USP25: variants seen among roughly 807,000 people sequenced by gnomAD.
USP25 encodes ubiquitin specific peptidase 25, also known as ubiquitin carboxyl-terminal hydrolase 25.
USP25 carries 85 observed loss-of-function variants against 158.5 expected under a neutral mutation model. That is an observed-to-expected ratio of 0.54 (90% confidence interval 0.45 to 0.64). The LOEUF (loss-of-function observed/expected upper bound fraction) is 0.64. USP25 is among the 30% of genes least tolerant of loss of function. USP25 has a pLI of 0.00. For missense variants in USP25, 1,242 were observed against 1,327.3 expected, an observed-to-expected ratio of 0.94 and a Z score of 1.00; for synonymous variants, 464 against 460.4, an observed-to-expected ratio of 1.01 and a Z score of -0.10.
intron 1 of USP25, among the ~76,000 whole-genome samples, chr21:15,742,738 C>T (rs1347301826): frequency 6.6e-6 from 1 of 152,222 alleles, no homozygotes; most frequent in Admixed American, 6.5e-5. Context: ...GGTGCCACTT[C>T]ACCAGCAAGA....
At chr21:15,814,321 G>C (rs1045225971) in intron 9 of USP25, among the ~76,000 whole-genome samples, 12 of 151,696 alleles carry the variant, frequency 7.9e-5, no homozygotes, top group African/African-American at 2.7e-4. Flanking sequence ...TTAGCAGCTT[G>C]AGAATGGACT....
intron 4 of USP25, among the ~76,000 whole-genome samples, chr21:15,782,491 A>T (rs1273255788): frequency 1.3e-5 from 2 of 152,174 alleles, no homozygotes; most frequent in African/African-American, 4.8e-5. Flanking sequence ...GCTGCCATTC[A>T]GGAGAGACAG....
intron 1 of USP25, among the ~76,000 whole-genome samples, chr21:15,730,862 A>G (rs2030766014): frequency 6.6e-6 from 1 of 152,014 alleles, no homozygotes; most frequent in African/African-American, 2.4e-5. Context: ...GTCTCCACCA[A>G]AATCGAATTA....
At chr21:15,772,231 A>G (rs1403333266) in intron 3 of USP25, among the ~76,000 whole-genome samples, 1 of 152,212 alleles carries the variant, frequency 6.6e-6, no homozygotes, top group African/African-American at 2.4e-5. Flanking sequence ...AATGTTTGGT[A>G]GTTGGTGTAT....
intron 6 of USP25, among the ~76,000 whole-genome samples, chr21:15,803,642 T>C (rs1276287466): frequency 6.6e-6 from 1 of 151,894 alleles, no homozygotes; most frequent in Non-Finnish European, 1.5e-5. Context: ...TTTCCAAAAA[T>C]TATTACTTCC....
intron 4 of USP25, among the ~76,000 whole-genome samples, chr21:15,778,797 A>G (rs2034800338): frequency 6.6e-6 from 1 of 152,134 alleles, no homozygotes; most frequent in Non-Finnish European, 1.5e-5. Context: ...AACTATTTGA[A>G]GGCAGTGGTA....
chr21:15,781,829 C>T (rs2034982124), intron 4 of USP25, among the ~76,000 whole-genome samples: 1 of 152,150 alleles, frequency 6.6e-6, no homozygotes. Context: ...CCAAGTCCAG[C>T]ATGAACAGTT....
chr21:15,854,620 A>G (rs922748411), intron 20 of USP25, among the ~76,000 whole-genome samples: 15 of 151,942 alleles, frequency 9.9e-5, no homozygotes. Context: ...ACTTTTTAAT[A>G]CTCTGAATGT....
chr21:15,818,520 G>A (rs903395901), intron 9 of USP25, among the ~76,000 whole-genome samples, 178 bp from the exon 10 acceptor site: 1 of 152,012 alleles, frequency 6.6e-6, no homozygotes, highest in African/African-American at 2.4e-5. Flanking sequence ...CTATGGCTGG[G>A]TATAAATGTA....
rs2037075571 is a variant in USP25, at chr21:15,818,700, A to G, written c.934A>G (p.Lys312Glu). ...ATTAATTTTCTCCCTTCTTATAGGT[A>G]AAAAATTTGAAAACACTGAAATGTT... is the stretch of plus-strand genomic sequence containing the variant. ...RFLAVGVLEG[K>E]KFENTEMFGQ... Residue 312 changes from lysine to glutamate, a missense_variant and splice_region_variant, in exon 10 of 26, where the codon AAA becomes GAA. Coordinates refer to ENST00000400183, the MANE Select transcript of USP25 (RefSeq NM_001283041.3). 1.1e-5 allele frequency: 18 copies of G among 1,603,648 alleles called. No homozygotes were observed. Among genetic ancestry groups the G allele is most frequent in the Non-Finnish European group, 1.5e-5 (18 of 1,174,582 alleles).
chr21:15,831,341 G>C, intron 15 of USP25, 60 bp from the exon 16 acceptor site: 1 of 1,495,286 alleles, frequency 6.7e-7, no homozygotes, highest in Non-Finnish European at 9.3e-7. Context: ...GGGTTTCATG[G>C]AATGTGGTAT....
chr21:15,806,334 T>C (rs2036388727), intron 7 of USP25, among the ~76,000 whole-genome samples: 1 of 152,072 alleles, frequency 6.6e-6, no homozygotes. Context: ...TTTCCAGTGA[T>C]TCTGAGTATA....
rs1321909085 is a variant in USP25, at chr21:15,843,581, AATAG to A, written c.2337+1045_2337+1048del. ...CATCTTATTAAAATGTATTAATTTA[AATAG>A]ATATTTGATGATTCCAAATTTTGCA... On this transcript the variant is annotated intron_variant, in intron 18 of 25. Coordinates refer to ENST00000400183, the MANE Select transcript of USP25 (RefSeq NM_001283041.3). This position sits in a 1 kb window ranked among gnomAD's most constrained non-coding sequence, Gnocchi z 4.0. 1.3e-5 allele frequency among the ~76,000 whole-genome samples: 2 copies of A among 152,202 alleles called. No homozygotes were observed. The highest frequency in any genetic ancestry group is 2.9e-5 in the Non-Finnish European group (2 of 68,020).
intron 1 of USP25, among the ~76,000 whole-genome samples, chr21:15,746,157 TGGC>T (rs1235164244): frequency 6.6e-6 from 1 of 152,236 alleles, no homozygotes; most frequent in Non-Finnish European, 1.5e-5. Flanking sequence ...AAATTTGTTT[TGGC>T]TATTCTAGAA....
At chr21:15,828,326 T>A (rs989380305) in intron 14 of USP25, among the ~76,000 whole-genome samples, 1 of 152,228 alleles carries the variant, frequency 6.6e-6, no homozygotes, top group Non-Finnish European at 1.5e-5. Context: ...GGTAATTTTC[T>A]ACTCCTCATG....
chr21:15,769,251 G>A (rs1485300509), intron 3 of USP25, among the ~76,000 whole-genome samples: 2 of 151,966 alleles, frequency 1.3e-5, no homozygotes, highest in Non-Finnish European at 2.9e-5. Flanking sequence ...ACAATTATAT[G>A]CCTTTTTGGT....
chr21:15,807,987 A>G (rs998532158), intron 7 of USP25, among the ~76,000 whole-genome samples: 43 of 152,196 alleles, frequency 2.8e-4, no homozygotes, highest in African/African-American at 1.0e-3. Flanking sequence ...TTTTGAGGTT[A>G]ATATAAAGTT....
chr21:15,824,120 A>G lies in USP25; in HGVS notation c.1162A>G (p.Lys388Glu), dbSNP rs1426841524. 1 of 1,613,678 alleles carries G rather than the reference A, an allele frequency of 6.2e-7. No homozygotes were observed. The highest frequency in any genetic ancestry group is 8.5e-7 in the Non-Finnish European group (1 of 1,179,874). Residue 388 changes from lysine (K) to glutamate (E), a missense_variant, in exon 11 of 26, where the codon AAA becomes GAA. Around this residue, in one of 3 missense-constraint regions of USP25, gnomAD observed 627 missense variants for 701.4 expected, o/e 0.89. Coordinates refer to ENST00000400183, the MANE Select transcript of USP25 (RefSeq NM_001283041.3). ...EFNQALGRPE[K>E]IHNKLEFPQV... The stretch of plus-strand genomic sequence containing the variant: ...TAATCAGGCATTGGGAAGACCAGAA[A>G]AAATTCACAACAAATTAGAATTTCC...
At chr21:15,800,285 T>C (rs981626004) in intron 6 of USP25, among the ~76,000 whole-genome samples, 2 of 151,326 alleles carry the variant, frequency 1.3e-5, no homozygotes, top group East Asian at 1.9e-4. Context: ...GTGACTGTCA[T>C]AGATGGGTAA....
Sources: allele counts gnomAD v4.1 joint callset (sites outside exome capture counted in the v4.1 genomes callset), GRCh38; gene constraint gnomAD v4.1.1; regional missense constraint gnomAD v4.1.1; non-coding constraint Gnocchi (gnomAD v3.1); transcripts MANE v1.5; gene names NCBI Gene and HGNC (gene_info 2026-07-23, HGNC 2026-07-21).